Variants in FTO observed in about 807,000 individuals in gnomAD.
The protein encoded by FTO is alpha-ketoglutarate-dependent dioxygenase FTO.
Under a neutral mutation model 63.9 loss-of-function variants are expected in FTO, and 47 were observed. The observed-to-expected ratio is 0.74, with a 90% confidence interval of 0.58 to 0.94. FTO has a LOEUF of 0.94. Among genes scored for constraint, FTO ranks in the 40% least tolerant of loss-of-function variants. FTO has a pLI of 0.00. For missense variants in FTO, 562 were observed against 618.1 expected, an observed-to-expected ratio of 0.91 and a Z score of 0.96; for synonymous variants, 207 against 224.4, an observed-to-expected ratio of 0.92 and a Z score of 0.69.
At chr16:53,738,660 AG>A (rs1424433765) in intron 1 of FTO, among the ~76,000 whole-genome samples, 1 of 152,076 alleles carries the variant, frequency 6.6e-6, no homozygotes, top group Admixed American at 6.5e-5. Flanking sequence ...GCAGTTTTTG[AG>A]GAACTGCCAA....
intron 3 of FTO, among the ~76,000 whole-genome samples, chr16:53,832,507 C>T (rs2079169810): frequency 6.6e-6 from 1 of 152,148 alleles, no homozygotes; most frequent in African/African-American, 2.4e-5. Context: ...ATCCTCCTTG[C>T]TCAGCCTCCC....
intron 8 of FTO, among the ~76,000 whole-genome samples, chr16:54,073,529 A>G (rs1336739237): frequency 1.3e-5 from 2 of 151,866 alleles, no homozygotes; most frequent in Non-Finnish European, 2.9e-5. Context: ...AGGAAGGCAG[A>G]AAGTCCCACC....
At chr16:54,091,770 C>G (rs2086389569) in intron 8 of FTO, among the ~76,000 whole-genome samples, 1 of 152,164 alleles carries the variant, frequency 6.6e-6, no homozygotes, top group South Asian at 2.1e-4. Flanking sequence ...TGCCTGGGTT[C>G]ACATCTTGGC....
intron 6 of FTO, 69 bp downstream of exon 6, chr16:53,880,056 A>C: frequency 8.4e-7 from 1 of 1,187,634 alleles, no homozygotes; most frequent in Non-Finnish European, 1.2e-6. Flanking sequence ...GTGCAGCGGC[A>C]TGACCTCGGC....
chr16:54,056,579 T>C (rs1336233910), intron 8 of FTO, among the ~76,000 whole-genome samples: 1 of 152,216 alleles, frequency 6.6e-6, no homozygotes, highest in Non-Finnish European at 1.5e-5. Context: ...TCTGGACTAC[T>C]CACGCTGGGA....
At chr16:54,028,761 TA>T (rs1184769884) in intron 8 of FTO, among the ~76,000 whole-genome samples, 1 of 151,568 alleles carries the variant, frequency 6.6e-6, no homozygotes, top group Non-Finnish European at 1.5e-5. Flanking sequence ...GAAATAATAA[TA>T]AATTATACTC....
chr16:53,796,049 CTTTTT>C (rs745383491), intron 1 of FTO, among the ~76,000 whole-genome samples: 1 of 138,430 alleles, frequency 7.2e-6, no homozygotes, highest in African/African-American at 2.7e-5. Context: ...TTCTTTCTTT[CTTTTT>C]TTTTTTTTTT....
At chr16:54,080,201 A>G (rs2086108553) in intron 8 of FTO, among the ~76,000 whole-genome samples, 1 of 152,196 alleles carries the variant, frequency 6.6e-6, no homozygotes, top group Admixed American at 6.6e-5. Context: ...AGCCTGGTTA[A>G]CAAAGCAAGA....
chr16:53,931,173 CA>C (rs113952675), intron 7 of FTO, among the ~76,000 whole-genome samples: 2,149 of 152,042 alleles, frequency 0.014, 46 homozygotes, highest in African/African-American at 0.049. Context: ...AATAGATTCA[CA>C]GGGGGGAAAA....
chr16:53,939,135 G>T (rs7197260), intron 8 of FTO, among the ~76,000 whole-genome samples: 2 of 152,070 alleles, frequency 1.3e-5, no homozygotes, highest in South Asian at 4.2e-4. Flanking sequence ...ATACTGACTC[G>T]TAATACAGGC....
intron 6 of FTO, 86 bp downstream of exon 6, chr16:53,880,073 C>A: frequency 1.1e-6 from 1 of 945,688 alleles, no homozygotes; most frequent in Non-Finnish European, 1.6e-6. Context: ...CGGCTCACTA[C>A]AACCTCCATC....
chr16:53,979,376 T>C (rs1262178801), intron 8 of FTO: 6 of 398,464 alleles, frequency 1.5e-5, no homozygotes, highest in Non-Finnish European at 2.7e-5. Flanking sequence ...TCTAGAAAGA[T>C]GGACCAATTT....
At chr16:54,105,645 A>G (rs1467285372) in intron 8 of FTO, among the ~76,000 whole-genome samples, 1 of 152,210 alleles carries the variant, frequency 6.6e-6, no homozygotes, top group Non-Finnish European at 1.5e-5. Context: ...ATTGTACAAA[A>G]TGTAATTGTT....
intron 8 of FTO, among the ~76,000 whole-genome samples, chr16:54,105,876 T>G: frequency 6.6e-6 from 1 of 152,046 alleles, no homozygotes; most frequent in East Asian, 1.9e-4. Flanking sequence ...GAAATCTTTA[T>G]CATTTCATCA....
Position 54,049,164 on chromosome 16 carries a change from C to T in FTO, c.1365-62598C>T, listed in dbSNP as rs138698680. On this transcript the variant is annotated intron_variant, in intron 8 of 8. Transcript: ENST00000471389. Reference sequence around the variant, plus strand: ...AGGTTATTTGTGATACTACCACATACGTCTTGATGGAAGCCACCATTGTTC... The same window carrying T: ...AGGTTATTTGTGATACTACCACATATGTCTTGATGGAAGCCACCATTGTTC... Among the ~76,000 whole-genome samples, 1,056 of 152,262 alleles carry T rather than the reference C, an allele frequency of 6.9e-3. 11 individuals carry two copies. Among genetic ancestry groups the T allele is most frequent in the African/African-American group, 0.024 (996 of 41,544 alleles).
intron 7 of FTO, among the ~76,000 whole-genome samples, chr16:53,932,843 G>C (rs973409637): frequency 2.0e-5 from 3 of 152,210 alleles, no homozygotes; most frequent in Non-Finnish European, 4.4e-5. Flanking sequence ...TTGATAAATT[G>C]CCTCAGCATT....
intron 1 of FTO, among the ~76,000 whole-genome samples, chr16:53,747,571 T>G (rs2076678143): frequency 6.6e-6 from 1 of 152,218 alleles, no homozygotes; most frequent in East Asian, 1.9e-4. Context: ...GTTTAGATAT[T>G]AATCAGATGT....
intron 7 of FTO, among the ~76,000 whole-genome samples, chr16:53,895,311 T>A (rs1460392902): frequency 6.6e-6 from 1 of 152,214 alleles, no homozygotes; most frequent in Non-Finnish European, 1.5e-5. Context: ...TTGTGTATCC[T>A]GTCTTTTTGG....
chr16:53,932,883 G>A (rs1253225976), intron 7 of FTO, among the ~76,000 whole-genome samples: 4 of 152,108 alleles, frequency 2.6e-5, no homozygotes, highest in African/African-American at 9.7e-5. Context: ...TTCCTCTCAA[G>A]AGTCTGAAAT....
Sources: gnomAD v4.1 joint callset for allele counts (sites outside exome capture counted in the v4.1 genomes callset) on GRCh38, gnomAD v4.1.1 for gene constraint, MANE v1.5 for transcripts, NCBI Gene and HGNC (gene_info 2026-07-23, HGNC 2026-07-21) for gene names.